POU6F2: variants seen among roughly 807,000 people sequenced by gnomAD.
POU6F2 encodes the protein POU class 6 homeobox 2, also known as POU domain, class 6, transcription factor 2.
A neutral mutation model predicts 71.3 loss-of-function variants in POU6F2; 31 were observed. The ratio of observed to expected loss-of-function variants is 0.43; its 90% CI spans 0.33 to 0.59. The LOEUF is 0.59. POU6F2 is among the 20% of genes least tolerant of loss of function. POU6F2 has a pLI of 0.04. For synonymous variants in POU6F2, 347 were observed against 355.7 expected, an observed-to-expected ratio of 0.98 and a Z score of 0.27; for missense variants, 783 against 856.8, an observed-to-expected ratio of 0.91 and a Z score of 1.07.
chr7:39,164,682 G>A (rs948446275), intron 2 of POU6F2, among the ~76,000 whole-genome samples: 2 of 151,972 alleles, frequency 1.3e-5, no homozygotes, highest in Non-Finnish European at 2.9e-5. Flanking sequence ...TGGCCAGCAT[G>A]GGGGAAGCCA....
At chr7:39,161,332 T>TA (rs1792993628) in intron 2 of POU6F2, among the ~76,000 whole-genome samples, 1 of 152,266 alleles carries the variant, frequency 6.6e-6, no homozygotes, top group Non-Finnish European at 1.5e-5. Flanking sequence ...TTGAAACTGA[T>TA]ACGCTACTTG....
chr7:39,235,277 A>G (rs1400362290), intron 4 of POU6F2, among the ~76,000 whole-genome samples: 2 of 152,248 alleles, frequency 1.3e-5, no homozygotes, highest in Non-Finnish European at 2.9e-5. Context: ...AAGGCAGCAT[A>G]ATAGATGTAT....
chr7:39,172,973 T>C (rs1793252840), intron 2 of POU6F2, among the ~76,000 whole-genome samples: 1 of 151,798 alleles, frequency 6.6e-6, no homozygotes, highest in Non-Finnish European at 1.5e-5. Context: ...CCAATAGAAA[T>C]ATGATGTGAA....
Position 39,412,958 on chromosome 7 carries a change from G to A in POU6F2, c.1113+6218G>A, listed in dbSNP as rs193055208. 1.9e-3 allele frequency among the ~76,000 whole-genome samples: 286 copies of A among 150,790 alleles called. 3 individuals are homozygous for A. Among genetic ancestry groups the A allele is most frequent in the African/African-American group, 6.1e-3 (252 of 41,192 alleles). On this transcript the variant is annotated intron_variant, in intron 6 of 9. Transcript: ENST00000518318. The stretch of plus-strand genomic sequence containing the variant: ...TGGGACTACAGGTGCCTGCCACCAC[G>A]CCTGGCTAATTTTTTTTTGTATTTT...
chr7:39,028,830 G>A (rs904381978), intron 1 of POU6F2, among the ~76,000 whole-genome samples: 6 of 151,830 alleles, frequency 4.0e-5, no homozygotes, highest in Non-Finnish European at 7.4e-5. Context: ...TTTTGAAACA[G>A]GGTCTTACTC....
chr7:39,013,143 A>T (rs1358360361), intron 1 of POU6F2: 1 of 154,714 alleles, frequency 6.5e-6, no homozygotes, highest in Non-Finnish European at 1.4e-5. Flanking sequence ...GCCGCCTTGC[A>T]GTTTGATCTC....
At chr7:39,285,592 C>A (rs1583497405) in intron 4 of POU6F2, among the ~76,000 whole-genome samples, 1 of 152,124 alleles carries the variant, frequency 6.6e-6, no homozygotes, top group African/African-American at 2.4e-5. Flanking sequence ...ATATGGATTT[C>A]AACATTTTGT....
intron 4 of POU6F2, among the ~76,000 whole-genome samples, chr7:39,262,415 A>C (rs1784153857): frequency 2.0e-5 from 3 of 152,022 alleles, no homozygotes; most frequent in Non-Finnish European, 4.4e-5. Context: ...TTTTATATCC[A>C]TTTTCTTTTT....
chr7:39,171,234 C>T (rs1793214285), intron 2 of POU6F2, among the ~76,000 whole-genome samples: 2 of 151,664 alleles, frequency 1.3e-5, no homozygotes, highest in Non-Finnish European at 2.9e-5. Flanking sequence ...TGTTCCCGTC[C>T]CTGTGTCCAT....
chr7:39,142,147 T>A (rs898485180), intron 2 of POU6F2, among the ~76,000 whole-genome samples: 1 of 152,156 alleles, frequency 6.6e-6, no homozygotes, highest in African/African-American at 2.4e-5. Context: ...CTTGCTCTTC[T>A]AATAAAACTC....
At position 39,144,265 on chromosome 7, in the gene POU6F2, A is replaced by G. The variant is rs184316876; in HGVS notation, c.277+58234A>G. Reference sequence around the variant, plus strand: ...AAGTATTGAGATCTTATCATCATATATAGGAAATAAAACCATGTTGGACTG... The same window carrying G: ...AAGTATTGAGATCTTATCATCATATGTAGGAAATAAAACCATGTTGGACTG... On this transcript the variant is annotated intron_variant, in intron 2 of 9. Transcript: ENST00000518318. Among the ~76,000 whole-genome samples, 5 of 152,340 alleles carry G rather than the reference A, an allele frequency of 3.3e-5. No homozygotes were observed. The South Asian group carries it at 6.2e-4, about 19-fold the overall frequency.
At chr7:39,347,446 G>A (rs552187959) in intron 5 of POU6F2, among the ~76,000 whole-genome samples, 1 of 152,210 alleles carries the variant, frequency 6.6e-6, no homozygotes, top group African/African-American at 2.4e-5. Flanking sequence ...AAGGGGTGAG[G>A]AGCACACACA....
chr7:39,186,940 C>T (rs73365594), intron 2 of POU6F2, among the ~76,000 whole-genome samples: 2,297 of 152,310 alleles, frequency 0.015, 52 homozygotes, highest in African/African-American at 0.052. Flanking sequence ...CCAGGCCTGC[C>T]GCCTGCTCTG....
intron 2 of POU6F2, among the ~76,000 whole-genome samples, chr7:39,143,436 A>C (rs932680866): frequency 6.6e-6 from 1 of 152,252 alleles, no homozygotes; most frequent in Non-Finnish European, 1.5e-5. Context: ...CTAGTTGATC[A>C]GTGAAGCTGT....
intron 1 of POU6F2, chr7:39,005,085 A>C (rs937471080): frequency 3.3e-5 from 5 of 152,266 alleles, no homozygotes; most frequent in African/African-American, 1.2e-4. Context: ...ATCTTCCCTG[A>C]GCTTCCTCTG....
chr7:39,402,071 A>G (rs1003880635), intron 5 of POU6F2, among the ~76,000 whole-genome samples: 3 of 152,238 alleles, frequency 2.0e-5, no homozygotes, highest in Non-Finnish European at 4.4e-5. Flanking sequence ...TATTATGACT[A>G]CTAATGTTCA....
chr7:39,066,683 A>T (rs974390683), intron 1 of POU6F2, among the ~76,000 whole-genome samples: 2 of 151,164 alleles, frequency 1.3e-5, no homozygotes, highest in Non-Finnish European at 3.0e-5. Context: ...GCAAGTGTTG[A>T]TGGTAACACT....
At chr7:39,341,470 A>G (rs982878403) in intron 5 of POU6F2, among the ~76,000 whole-genome samples, 1 of 152,218 alleles carries the variant, frequency 6.6e-6, no homozygotes, top group Non-Finnish European at 1.5e-5. Flanking sequence ...CTACTGAAAG[A>G]GCAGGTGTCA....
At chr7:39,213,437 T>C (rs1451277884) in intron 4 of POU6F2, among the ~76,000 whole-genome samples, 1 of 152,208 alleles carries the variant, frequency 6.6e-6, no homozygotes, top group Non-Finnish European at 1.5e-5. Flanking sequence ...TACAAGAAAA[T>C]GCATGGACCT....
Sources: gnomAD v4.1 joint callset for allele counts (sites outside exome capture counted in the v4.1 genomes callset) on GRCh38, gnomAD v4.1.1 for gene constraint, MANE v1.5 for transcripts, NCBI Gene and HGNC (gene_info 2026-07-23, HGNC 2026-07-21) for gene names.